The following ABL1 variants were observed in gnomAD, a reference collection of about 807,000 sequenced individuals.
The protein encoded by ABL1 is ABL proto-oncogene 1, non-receptor tyrosine kinase, also known as tyrosine-protein kinase ABL1.
ABL1 carries 11 observed loss-of-function variants against 94.7 expected under a neutral mutation model. The ratio of observed to expected loss-of-function variants is 0.12; its 90% confidence interval spans 0.07 to 0.19. The LOEUF is 0.19. Among genes scored for constraint, ABL1 ranks in the 10% least tolerant of loss-of-function variants. The pLI is 1.00. For missense variants in ABL1, 1,082 were observed against 1,489.4 expected, an observed-to-expected ratio of 0.73 and a Z score of 4.50; for synonymous variants, 656 against 622.4, an observed-to-expected ratio of 1.05 and a Z score of -0.80.
In ABL1 at chr9:130,885,526, A is replaced by G. The variant is rs761044550; in HGVS notation, c.3236A>G (p.Asn1079Ser). The change falls in exon 11 of 11, where the codon AAC (asparagine) becomes AGC (serine). Residue 1079 changes from asparagine (N) to serine (S), a missense_variant. By Grantham distance (46) the Asn-to-Ser change is conservative. Around this residue, in one of 7 missense-constraint regions of ABL1, gnomAD observed 780 missense variants for 835.8 expected, o/e 0.93. Transcript: ENST00000318560. ...GTGGATTCCATCCAGCAAATGAGGA[A>G]CAAGTTTGCCTTCCGAGAGGCCATC... is the stretch of plus-strand genomic sequence containing the variant. ...SYVDSIQQMR[N>S]KFAFREAINK... The G allele has an allele frequency of 6.2e-7, 1 of 1,614,166 alleles. No individual in the cohort carries two copies. The highest frequency in any genetic ancestry group is 1.1e-5 in the South Asian group (1 of 91,088).
intron 1 of ABL1, among the ~76,000 whole-genome samples, chr9:130,729,316 A>G (rs1831631887): frequency 1.3e-5 from 2 of 152,170 alleles, no homozygotes; most frequent in East Asian, 3.8e-4. Flanking sequence ...TAGAATCTGG[A>G]AGCCATGGAC....
chr9:130,801,983 A>T (rs1002083760), intron 1 of ABL1, among the ~76,000 whole-genome samples: 4 of 149,116 alleles, frequency 2.7e-5, no homozygotes, highest in Non-Finnish European at 5.9e-5. Flanking sequence ...TTTCTTCTAA[A>T]TTTTTTCTAC....
At chr9:130,794,998 A>G (rs1020885739) in intron 1 of ABL1, among the ~76,000 whole-genome samples, 5 of 152,212 alleles carry the variant, frequency 3.3e-5, no homozygotes, top group Non-Finnish European at 2.9e-5. Flanking sequence ...CACCATAAAT[A>G]GTAGATTAAT....
At chr9:130,805,337 C>A (rs1830111253) in intron 1 of ABL1, among the ~76,000 whole-genome samples, 5 of 152,198 alleles carry the variant, frequency 3.3e-5, no homozygotes, top group Admixed American at 3.3e-4. Flanking sequence ...CTCGGCCTCC[C>A]AAAGTGCTGG....
At chr9:130,724,769 A>G in intron 1 of ABL1, 1 of 467,572 alleles carries the variant, frequency 2.1e-6, no homozygotes, top group Non-Finnish European at 4.2e-6. Flanking sequence ...AAAAAAAAAA[A>G]AGCAAATAAA....
intron 1 of ABL1, among the ~76,000 whole-genome samples, chr9:130,797,236 GAAAAAAAAAAAA>G (rs71389356): frequency 1.4e-3 from 78 of 55,166 alleles, no homozygotes; most frequent in African/African-American, 4.1e-3. Flanking sequence ...ACTCCATCTC[GAAAAAAAAAAAA>G]AAAAAAAAAA....
rs1374658529 is a variant in ABL1 at position 130,835,631 on chromosome 9, C to G, written c.79+106C>G. 4 of 795,294 alleles carry G rather than the reference C, an allele frequency of 5.0e-6. No individual in the cohort carries two copies. The highest frequency in any genetic ancestry group is 5.1e-5 in the Admixed American group (2 of 39,250). 49.3% of individuals were successfully genotyped at this position (795,294 alleles called of 1,614,324 possible). ...CGCGCGCTCCCGCCTGCGCCCTCCC[C>G]GGGTCTTGTCTTTTTTTTCTTTCTT... On this transcript the variant is annotated intron_variant, in intron 1 of 10. Coordinates refer to ENST00000318560, the MANE Select transcript of ABL1 (RefSeq NM_005157.6). This position sits in a 1 kb window ranked among gnomAD's most constrained non-coding sequence, Gnocchi z 4.6.
chr9:130,880,239 T>C lies in ABL1; in HGVS notation c.1513+82T>C, dbSNP rs1003831029. 6.9e-7 allele frequency: 1 copy of C among 1,446,876 alleles called. No homozygotes were observed. The highest frequency in any genetic ancestry group is 1.4e-5 in the African/African-American group (1 of 71,314). The allele number at this position is 1,446,876 out of a possible 1,614,324, so 89.6% of individuals were successfully genotyped here. On this transcript the variant is annotated intron_variant, in intron 9 of 10. Coordinates refer to ENST00000318560, the MANE Select transcript of ABL1 (RefSeq NM_005157.6). This position sits in a 1 kb window ranked among gnomAD's most constrained non-coding sequence, Gnocchi z 4.4. ...TGCAGCCTGGGTCATTCGGTTCACT[T>C]CCTGGTGAAAGTTCACAGACCAGCC...
At chr9:130,750,188 A>C (rs1227682663) in intron 1 of ABL1, among the ~76,000 whole-genome samples, 1 of 81,852 alleles carries the variant, frequency 1.2e-5, no homozygotes, top group African/African-American at 6.4e-5. Flanking sequence ...AGAAAAAAAA[A>C]ATACATATAT....
At chr9:130,788,858 C>G (rs1829866007) in intron 1 of ABL1, among the ~76,000 whole-genome samples, 1 of 152,156 alleles carries the variant, frequency 6.6e-6, no homozygotes, top group Admixed American at 6.5e-5. Context: ...GGTGTTACAT[C>G]CATTTGCATA....
chr9:130,838,900 T>G (rs1020749227), intron 1 of ABL1, among the ~76,000 whole-genome samples: 2 of 152,086 alleles, frequency 1.3e-5, no homozygotes, highest in African/African-American at 2.4e-5. Context: ...TCTTGAACTT[T>G]TTGTTGTTGT....
At chr9:130,750,227 A>ATATATATATC (rs1554759830) in intron 1 of ABL1, among the ~76,000 whole-genome samples, 67 of 132,912 alleles carry the variant, frequency 5.0e-4, no homozygotes, top group Non-Finnish European at 7.7e-4. Context: ...ATATATATAT[A>ATATATATATC]TATATATATC....
At position 130,863,712 on chromosome 9, in the gene ABL1, G is replaced by A. The variant is rs1039435632; in HGVS notation, c.822+677G>A. 3.9e-5 allele frequency among the ~76,000 whole-genome samples: 6 copies of A among 152,186 alleles called. No individual in the cohort carries two copies. The highest frequency in any genetic ancestry group is 7.3e-5 in the Non-Finnish European group (5 of 68,032). On this transcript the variant is annotated intron_variant, in intron 4 of 10. Coordinates refer to ENST00000318560, the MANE Select transcript of ABL1 (RefSeq NM_005157.6). The surrounding 1 kb of genome is among the most constrained non-coding windows in gnomAD (Gnocchi z 4.3). ...TGAAGTTCTTTGAAACCCTTAGGACGCCAAGGGAAGGAAGTTTTCATTTTC... is the reference window on the plus strand; with the variant it reads ...TGAAGTTCTTTGAAACCCTTAGGACACCAAGGGAAGGAAGTTTTCATTTTC...
In ABL1 at chr9:130,762,992, C is replaced by G. The variant is rs74775962; in HGVS notation, c.136+48537C>G. 4.2e-3 allele frequency among the ~76,000 whole-genome samples: 644 copies of G among 152,102 alleles called. 5 individuals carry two copies. The highest frequency in any genetic ancestry group is 0.015 in the African/African-American group (622 of 41,502). ...ATCATGTTGCTCCTCTGCTTAAAAC[C>G]TAATAGCTTCTCCTTCCATGTCACA... On this transcript the variant is annotated intron_variant, in intron 1 of 10. Transcript: ENST00000372348.
chr9:130,798,662 G>A (rs894294883), intron 1 of ABL1, among the ~76,000 whole-genome samples: 9 of 151,984 alleles, frequency 5.9e-5, no homozygotes, highest in South Asian at 2.1e-4. Flanking sequence ...CAGTAACAAC[G>A]GATTCTTTAG....
At chr9:130,819,853 C>CTTTT (rs777754388) in intron 1 of ABL1, among the ~76,000 whole-genome samples, 2,204 of 143,012 alleles carry the variant, frequency 0.015, 48 homozygotes, top group African/African-American at 0.053. Flanking sequence ...AAAATACCTA[C>CTTTT]TTTTTTTTTT....
At chr9:130,843,108 A>T (rs1425768393) in intron 1 of ABL1, among the ~76,000 whole-genome samples, 1 of 152,188 alleles carries the variant, frequency 6.6e-6, no homozygotes, top group African/African-American at 2.4e-5. Flanking sequence ...ACAGATTATT[A>T]AACTGCACTT....
At chr9:130,725,298 C>T (rs527748639) in intron 1 of ABL1, among the ~76,000 whole-genome samples, 17 of 152,262 alleles carry the variant, frequency 1.1e-4, no homozygotes, top group African/African-American at 3.9e-4. Flanking sequence ...TATGAATTTG[C>T]TCATTCTAGG....
intron 1 of ABL1, among the ~76,000 whole-genome samples, chr9:130,775,028 T>G (rs111273858): frequency 2.0e-5 from 3 of 152,370 alleles, no homozygotes; most frequent in African/African-American, 7.2e-5. Context: ...TAAACTTTGT[T>G]TGAATTTACC....
Sources: allele counts gnomAD v4.1 joint callset (sites outside exome capture counted in the v4.1 genomes callset), GRCh38; gene constraint gnomAD v4.1.1; regional missense constraint gnomAD v4.1.1; non-coding constraint Gnocchi (gnomAD v3.1); transcripts MANE v1.5; gene names NCBI Gene and HGNC (gene_info 2026-07-23, HGNC 2026-07-21).